Variants in PDE1C observed in about 807,000 individuals in gnomAD.
PDE1C encodes phosphodiesterase 1C.
Under a neutral mutation model 93.1 loss-of-function variants are expected in PDE1C, and 62 were observed. The ratio of observed to expected loss-of-function variants is 0.67; its 90% CI spans 0.54 to 0.82. The LOEUF is 0.82. Ranked by LOEUF, PDE1C falls within the 40% of genes least tolerant of loss-of-function variation. The pLI is 0.00. For synonymous variants in PDE1C, 325 were observed against 310.1 expected, an observed-to-expected ratio of 1.05 and a Z score of -0.50; for missense variants, 742 against 884.6, an observed-to-expected ratio of 0.84 and a Z score of 2.04.
intron 1 of PDE1C, among the ~76,000 whole-genome samples, chr7:32,264,673 G>T (rs1417598849): frequency 6.6e-6 from 1 of 152,180 alleles, no homozygotes; most frequent in Non-Finnish European, 1.5e-5. Flanking sequence ...GCTGATGAAG[G>T]CCACTAGCAA....
At chr7:31,776,659 C>T (rs890604833) in intron 16 of PDE1C, among the ~76,000 whole-genome samples, 1 of 151,578 alleles carries the variant, frequency 6.6e-6, no homozygotes, top group Non-Finnish European at 1.5e-5. Context: ...TATATGGACA[C>T]ATATCTTATA....
At chr7:31,882,120 A>T (rs1029115662) in intron 2 of PDE1C, among the ~76,000 whole-genome samples, 2 of 152,214 alleles carry the variant, frequency 1.3e-5, no homozygotes, top group African/African-American at 4.8e-5. Context: ...AGTAAGCAAG[A>T]GGGTCAACCA....
intron 2 of PDE1C, among the ~76,000 whole-genome samples, chr7:32,193,951 G>C (rs1002748586): frequency 2.5e-5 from 3 of 117,778 alleles, no homozygotes; most frequent in Non-Finnish European, 4.9e-5. Context: ...GTCTCACTCT[G>C]TCGCCCAGGC....
At chr7:31,632,086 G>C in the PDE1C span, among the ~76,000 whole-genome samples, 6 of 152,142 alleles carry the variant, frequency 3.9e-5, no homozygotes, top group Admixed American at 3.9e-4. Context: ...ACAGTGACTT[G>C]TCCTACAGCA....
chr7:31,865,110 C>G (rs376282595), intron 6 of PDE1C, 28 bp from the exon 7 acceptor site: 12 of 1,613,220 alleles, frequency 7.4e-6, no homozygotes, highest in East Asian at 2.2e-5. Flanking sequence ...GGTTAATTAA[C>G]TAGTGACTTC....
rs1027405434 is a variant in PDE1C, at chr7:31,815,977, G to C, written c.1760C>G (p.Pro587Arg). The change falls in exon 15 of 18, where the codon CCT becomes CGT. Residue 587 changes from proline to arginine, a missense_variant. Around this residue, in one of 4 missense-constraint regions of PDE1C, gnomAD observed 454 missense variants for 459.4 expected, o/e 0.99. Coordinates refer to ENST00000396191, the MANE Select transcript of PDE1C (RefSeq NM_001191057.4). ...CTCGGCTTTGGAGTTTTTCCCACGAGGGTTGTCACTTTTGTTTGCCCGTGT... is the reference window on the plus strand; with the variant it reads ...CTCGGCTTTGGAGTTTTTCCCACGACGGTTGTCACTTTTGTTTGCCCGTGT... Reference protein sequence around the residue: ...NGTRANKSDNPRGKNSKAEKS... With the variant: ...NGTRANKSDNRRGKNSKAEKS... The C allele has an allele frequency of 1.2e-6, 2 of 1,613,930 alleles. No individual in the cohort carries two copies. The highest frequency in any genetic ancestry group is 1.7e-6 in the Non-Finnish European group (2 of 1,179,884).
At chr7:32,124,441 T>C (rs1486272035) in intron 3 of PDE1C, among the ~76,000 whole-genome samples, 1 of 152,206 alleles carries the variant, frequency 6.6e-6, no homozygotes, top group Non-Finnish European at 1.5e-5. Flanking sequence ...TCATGCTACC[T>C]GACTTCAAAC....
At chr7:31,920,701 C>T (rs1208674963) in intron 2 of PDE1C, among the ~76,000 whole-genome samples, 2 of 152,100 alleles carry the variant, frequency 1.3e-5, no homozygotes, top group Admixed American at 6.6e-5. Flanking sequence ...AGATCCTTTC[C>T]CAATTGTATA....
At chr7:32,126,990 T>C (rs1271995734) in intron 3 of PDE1C, among the ~76,000 whole-genome samples, 1 of 152,124 alleles carries the variant, frequency 6.6e-6, no homozygotes, top group East Asian at 1.9e-4. Flanking sequence ...ACATTTGAAT[T>C]GGTAGACTGA....
chr7:32,261,064 C>A (rs1290635754), intron 1 of PDE1C, among the ~76,000 whole-genome samples: 1 of 151,940 alleles, frequency 6.6e-6, no homozygotes, highest in Non-Finnish European at 1.5e-5. Flanking sequence ...GAGCTGAGAT[C>A]GCACCACTGC....
intron 1 of PDE1C, among the ~76,000 whole-genome samples, chr7:32,058,815 G>C (rs530936923): frequency 1.7e-4 from 26 of 152,280 alleles, no homozygotes; most frequent in Non-Finnish European, 3.4e-4. Flanking sequence ...TGAGAAAGGA[G>C]ATAATAGAGT....
Position 32,367,934 on chromosome 7 carries a change from C to A in PDE1C, c.310+59888G>T, listed in dbSNP as rs551071680. ...CTCCAGCCTGGATGACAGAACAAGA[C>A]CCTATCTCTAGTTAAAAAAAAAAAA... On this transcript the variant is annotated intron_variant, in intron 1 of 1. Transcript: ENST00000672256. Among the ~76,000 whole-genome samples the A allele has an allele frequency of 5.3e-5, 8 of 151,806 alleles. No homozygotes were observed. The South Asian group carries it at 1.7e-3, about 32-fold the overall frequency.
chr7:31,714,542 C>A, the PDE1C span, among the ~76,000 whole-genome samples: 2 of 152,180 alleles, frequency 1.3e-5, no homozygotes, highest in African/African-American at 4.8e-5. Context: ...CTACTGGTAC[C>A]AACTTACTGT....
chr7:32,209,404 G>T, intron 2 of PDE1C: 1 of 1,068,644 alleles, frequency 9.4e-7, no homozygotes, highest in Non-Finnish European at 1.4e-6. Context: ...TGACAGAATT[G>T]AAGAGCTATA....
intron 1 of PDE1C, among the ~76,000 whole-genome samples, chr7:32,242,269 T>C (rs1388301930): frequency 6.6e-6 from 1 of 152,128 alleles, no homozygotes; most frequent in Non-Finnish European, 1.5e-5. Context: ...ATAGGGCTGA[T>C]GGACAATGAA....
intron 17 of PDE1C, among the ~76,000 whole-genome samples, chr7:31,764,615 T>C (rs890690658): frequency 2.0e-5 from 3 of 152,198 alleles, no homozygotes; most frequent in African/African-American, 7.2e-5. Context: ...TAAGACACGT[T>C]GCGTTTATTA....
At chr7:31,973,156 G>A (rs1322603647) in intron 2 of PDE1C, among the ~76,000 whole-genome samples, 2 of 152,064 alleles carry the variant, frequency 1.3e-5, no homozygotes, top group Non-Finnish European at 2.9e-5. Context: ...GCAAATATAT[G>A]TGACAGAGGA....
chr7:31,961,838 TTTTC>T (rs1422218675), intron 2 of PDE1C, among the ~76,000 whole-genome samples: 1 of 152,220 alleles, frequency 6.6e-6, no homozygotes, highest in Non-Finnish European at 1.5e-5. Flanking sequence ...CCAGAAACCA[TTTTC>T]TTTATGTCCT....
intron 3 of PDE1C, among the ~76,000 whole-genome samples, chr7:32,168,714 A>G (rs1802459117): frequency 6.6e-6 from 1 of 152,148 alleles, no homozygotes. Context: ...TTCTTGTCTC[A>G]CTAATGTACT....
Sources: gnomAD v4.1 joint callset for allele counts (sites outside exome capture counted in the v4.1 genomes callset) on GRCh38, gnomAD v4.1.1 for gene constraint, gnomAD v4.1.1 regional missense constraint, MANE v1.5 for transcripts, NCBI Gene and HGNC (gene_info 2026-07-23, HGNC 2026-07-21) for gene names.